Variants in DEFB124 observed in about 807,000 individuals in gnomAD.
The protein encoded by DEFB124 is defensin beta 124, also known as beta-defensin 124.
For missense variants in DEFB124, 78 were observed against 83.1 expected, an observed-to-expected ratio of 0.94 and a Z score of 0.24; for synonymous variants, 38 against 36.5, an observed-to-expected ratio of 1.04 and a Z score of -0.15.
chr20:31,468,518 C>T (rs778409328), intron 2 of DEFB124, among the ~76,000 whole-genome samples: 3 of 151,466 alleles, frequency 2.0e-5, no homozygotes, highest in Non-Finnish European at 4.4e-5. Flanking sequence ...ACTCTGTTGC[C>T]AGGCTGGAGA....
At chr20:31,471,404 G>C (rs1222774278) in intron 2 of DEFB124, among the ~76,000 whole-genome samples, 1 of 115,182 alleles carries the variant, frequency 8.7e-6, no homozygotes, top group Admixed American at 8.3e-5. Context: ...CTGGCCGGGC[G>C]GGGGGCTGAC....
At chr20:31,470,999 G>T (rs1980266444) in intron 2 of DEFB124, among the ~76,000 whole-genome samples, 2 of 144,142 alleles carry the variant, frequency 1.4e-5, no homozygotes, top group African/African-American at 5.2e-5. Flanking sequence ...CGGCTGGCCG[G>T]GCAGGGGGCT....
intron 2 of DEFB124, among the ~76,000 whole-genome samples, chr20:31,471,342 GC>G (rs1234307539): frequency 6.4e-5 from 2 of 31,080 alleles, no homozygotes; most frequent in Admixed American, 2.8e-4. Flanking sequence ...CCCGGACGGG[GC>G]GGCTGGCCGG....
chr20:31,466,622 T>TATATATATATATATATATAA (rs1555833602), intron 2 of DEFB124, among the ~76,000 whole-genome samples: 2 of 148,534 alleles, frequency 1.3e-5, no homozygotes, highest in East Asian at 3.9e-4. Context: ...TATATATATA[T>TATATATATATATATATATAA]AAAACCTTAT....
At chr20:31,466,860 G>A (rs1359567450) in intron 2 of DEFB124, among the ~76,000 whole-genome samples, 2 of 152,068 alleles carry the variant, frequency 1.3e-5, no homozygotes, top group African/African-American at 2.4e-5. Context: ...GATGGAGCCT[G>A]TCCTTCATTT....
intron 2 of DEFB124, among the ~76,000 whole-genome samples, chr20:31,469,798 A>C (rs879614078): frequency 0.023 from 3,062 of 134,252 alleles, 1 homozygote; most frequent in Non-Finnish European, 0.026. Context: ...CCCAAGGCAG[A>C]AGAATTTATC....
intron 2 of DEFB124, among the ~76,000 whole-genome samples, chr20:31,471,283 C>T (rs1600568853): frequency 7.5e-6 from 1 of 134,210 alleles, no homozygotes; most frequent in Admixed American, 7.1e-5. Context: ...CCCTCACCTC[C>T]CGGACGGGGC....
intron 1 of DEFB124, among the ~76,000 whole-genome samples, chr20:31,473,279 G>T (rs1309520519): frequency 6.6e-6 from 1 of 152,140 alleles, no homozygotes; most frequent in Non-Finnish European, 1.5e-5. Flanking sequence ...AGTGTCTAGG[G>T]TCAGAAACTA....
intron 2 of DEFB124, among the ~76,000 whole-genome samples, chr20:31,471,058 C>G (rs1980271764): frequency 9.4e-6 from 1 of 106,212 alleles, no homozygotes; most frequent in African/African-American, 3.7e-5. Flanking sequence ...GGGGGGCTGA[C>G]CCCCCCCACC....
intron 2 of DEFB124, among the ~76,000 whole-genome samples, chr20:31,471,536 G>A (rs1362057697): frequency 6.8e-6 from 1 of 146,806 alleles, no homozygotes; most frequent in African/African-American, 2.5e-5. Context: ...TGGCCGGGCA[G>A]GAGGCTGATC....
chr20:31,468,552 T>G (rs1236899748), intron 2 of DEFB124, among the ~76,000 whole-genome samples: 1 of 151,930 alleles, frequency 6.6e-6, no homozygotes, highest in East Asian at 1.9e-4. Flanking sequence ...CACGGCTCAC[T>G]GCAACCTCCG....
chr20:31,467,374 C>T (rs1482673044), intron 2 of DEFB124, among the ~76,000 whole-genome samples: 1 of 152,148 alleles, frequency 6.6e-6, no homozygotes. Context: ...AAGAATCCAC[C>T]CTCTGAAGAC....
rs1980378536 is a variant in DEFB124, at chr20:31,473,046, G to C, written c.-25-8C>G. The C allele has an allele frequency of 1.2e-6, 2 of 1,610,468 alleles. No individual in the cohort carries two copies. Among genetic ancestry groups the C allele is most frequent in the Admixed American group, 1.7e-5 (1 of 59,036 alleles). ...GGGCTCCTGGGGAGGCTGCTGGAGA[G>C]AGCACAAGAGGAAAGACCCGAGCAG... is the stretch of plus-strand genomic sequence containing the variant. On this transcript the variant is annotated splice_polypyrimidine_tract_variant and splice_region_variant and intron_variant, in intron 1 of 2. Transcript: ENST00000317676.
intron 1 of DEFB124, 137 bp from the exon 2 acceptor site, chr20:31,473,175 G>T: frequency 1.4e-6 from 1 of 705,726 alleles, no homozygotes; most frequent in Non-Finnish European, 2.3e-6. Flanking sequence ...TGGTCCCCAG[G>T]CTGCTTGGGA....
chr20:31,473,337 G>C (rs1040864176), intron 1 of DEFB124, among the ~76,000 whole-genome samples: 3 of 152,148 alleles, frequency 2.0e-5, no homozygotes, highest in African/African-American at 7.2e-5. Context: ...GCTTAAGAGA[G>C]ACCTAGTTCA....
chr20:31,467,720 G>A (rs1056088375), intron 2 of DEFB124, among the ~76,000 whole-genome samples: 1 of 152,010 alleles, frequency 6.6e-6, no homozygotes, highest in Non-Finnish European at 1.5e-5. Context: ...ACCGGAACCC[G>A]AGACCCTAGC....
chr20:31,473,572 C>T (rs1437163458), intron 1 of DEFB124, among the ~76,000 whole-genome samples: 2 of 152,148 alleles, frequency 1.3e-5, no homozygotes, highest in East Asian at 3.8e-4. Flanking sequence ...AATACAGTGG[C>T]TCCTATACTA....
At chr20:31,471,174 T>G (rs1172492302) in intron 2 of DEFB124, among the ~76,000 whole-genome samples, 2 of 79,526 alleles carry the variant, frequency 2.5e-5, no homozygotes, top group African/African-American at 4.9e-5. Context: ...GGCGGCTGGC[T>G]GGGCGGGGGG....
At chr20:31,472,904 C>A (rs527947347) in intron 2 of DEFB124, 52 bp downstream of exon 2, 1 of 1,578,714 alleles carries the variant, frequency 6.3e-7, no homozygotes, top group East Asian at 2.3e-5. Flanking sequence ...CTCATTTTTA[C>A]AAGCACACAT....
Sources: gnomAD v4.1 joint callset for allele counts (sites outside exome capture counted in the v4.1 genomes callset) on GRCh38, gnomAD v4.1.1 for gene constraint, MANE v1.5 for transcripts, NCBI Gene and HGNC (gene_info 2026-07-23, HGNC 2026-07-21) for gene names.